The following UNC5D variants were observed in gnomAD, a reference collection of about 807,000 sequenced individuals.
UNC5D encodes the protein netrin receptor UNC5D.
UNC5D carries 39 observed loss-of-function variants against 105.4 expected under a neutral mutation model. The ratio of observed to expected loss-of-function variants is 0.37; its 90% CI spans 0.29 to 0.48. UNC5D has a LOEUF of 0.48. Among genes scored for constraint, UNC5D ranks in the 20% least tolerant of loss-of-function variants. UNC5D has a pLI of 0.98. For synonymous variants in UNC5D, 452 were observed against 450.4 expected (o/e 1.00, Z -0.04); for missense variants, 991 against 1,202.4 (o/e 0.82, Z 2.60).
Position 35,790,502 on chromosome 8 carries a change from A to G in UNC5D, c.2801A>G (p.Asn934Ser). 1.2e-6 allele frequency: 2 copies of G among 1,613,912 alleles called. No individual in the cohort carries two copies. The highest frequency in any genetic ancestry group is 1.7e-6 in the Non-Finnish European group (2 of 1,179,876). ...EIGRTHTKLS[N>S]ISESQLDEAD... ...GGGAGGACACACACGAAACTCTCAA[A>G]CATTTCAGAATCCCAGCTTGATGAA... is the stretch of plus-strand genomic sequence containing the variant. Residue 934 changes from asparagine to serine, a missense_variant, in exon 17 of 17, where the codon AAC (asparagine) becomes AGC (serine). Asn to Ser is a conservative substitution (Grantham distance 46). Around this residue, in one of 3 missense-constraint regions of UNC5D, gnomAD observed 45 missense variants for 54.5 expected, o/e 0.83. Transcript: ENST00000404895.
chr8:35,241,034 T>C (rs1478579679), intron 1 of UNC5D, among the ~76,000 whole-genome samples: 1 of 152,192 alleles, frequency 6.6e-6, no homozygotes, highest in East Asian at 1.9e-4. Flanking sequence ...ATTTGTTGCA[T>C]GTCTTGTATT....
intron 1 of UNC5D, among the ~76,000 whole-genome samples, chr8:35,315,230 T>A (rs1167154040): frequency 6.6e-6 from 1 of 152,196 alleles, no homozygotes; most frequent in Non-Finnish European, 1.5e-5. Context: ...TTAAAAAAAA[T>A]CCAACCCCAT....
chr8:35,575,576 C>G (rs551594162), intron 3 of UNC5D, among the ~76,000 whole-genome samples: 2 of 152,274 alleles, frequency 1.3e-5, no homozygotes, highest in African/African-American at 4.8e-5. Flanking sequence ...CTAAACTGCC[C>G]ATAATACCTC....
intron 7 of UNC5D, among the ~76,000 whole-genome samples, chr8:35,705,007 GGGCT>G (rs1474298084): frequency 1.5e-5 from 2 of 134,514 alleles, no homozygotes; most frequent in African/African-American, 2.8e-5. Context: ...GCTGTTGCCC[GGGCT>G]GGAGTGCAGT....
chr8:35,576,393 G>A (rs147401116), intron 3 of UNC5D, among the ~76,000 whole-genome samples: 10 of 152,256 alleles, frequency 6.6e-5, no homozygotes, highest in East Asian at 5.8e-4. Flanking sequence ...TTGATTGAAC[G>A]CCAGAGGCAG....
intron 1 of UNC5D, among the ~76,000 whole-genome samples, chr8:35,297,907 T>C (rs1370404761): frequency 2.0e-5 from 3 of 152,110 alleles, no homozygotes; most frequent in African/African-American, 4.8e-5. Context: ...GGGCCACAAA[T>C]TGGGAGGTTT....
At chr8:35,312,257 A>G (rs1271434386) in intron 1 of UNC5D, among the ~76,000 whole-genome samples, 1 of 152,220 alleles carries the variant, frequency 6.6e-6, no homozygotes, top group African/African-American at 2.4e-5. Context: ...AACCAGGATG[A>G]CATAATTGTC....
At chr8:35,623,186 G>A (rs1821464014) in intron 4 of UNC5D, among the ~76,000 whole-genome samples, 1 of 152,054 alleles carries the variant, frequency 6.6e-6, no homozygotes, top group African/African-American at 2.4e-5. Context: ...AGCCATCCTT[G>A]AGTTCTCTGC....
At chr8:35,618,725 A>C (rs1821175453) in intron 4 of UNC5D, among the ~76,000 whole-genome samples, 1 of 152,166 alleles carries the variant, frequency 6.6e-6, no homozygotes, top group South Asian at 2.1e-4. Flanking sequence ...GCTTAGGTTA[A>C]GTAACTTCCC....
intron 4 of UNC5D, among the ~76,000 whole-genome samples, chr8:35,641,366 C>CAAAAAAAAAAAAAAAAAAAAAAAAA (rs377021599): frequency 1.3e-3 from 59 of 44,252 alleles, no homozygotes; most frequent in East Asian, 2.6e-3. Flanking sequence ...AAAAATAAAG[C>CAAAAAAAAAAAAAAAAAAAAAAAAA]AAAAAAAAAA....
chr8:35,419,647 G>A (rs1047066576), intron 1 of UNC5D, among the ~76,000 whole-genome samples: 14 of 152,240 alleles, frequency 9.2e-5, no homozygotes, highest in East Asian at 7.8e-4. Flanking sequence ...GTTACAGCTC[G>A]TTCGTGTTAT....
intron 4 of UNC5D, among the ~76,000 whole-genome samples, chr8:35,608,271 G>A (rs1586239885): frequency 6.6e-6 from 1 of 152,148 alleles, no homozygotes; most frequent in African/African-American, 2.4e-5. Context: ...GAGCAGCTGG[G>A]GCTTTAGGGT....
At chr8:35,637,589 G>A (rs1172386390) in intron 4 of UNC5D, among the ~76,000 whole-genome samples, 1 of 152,146 alleles carries the variant, frequency 6.6e-6, no homozygotes, top group Non-Finnish European at 1.5e-5. Flanking sequence ...GAGTAGGAAA[G>A]TATCCATATA....
intron 13 of UNC5D, among the ~76,000 whole-genome samples, chr8:35,755,997 G>A (rs1191033037): frequency 6.6e-6 from 1 of 152,238 alleles, no homozygotes; most frequent in East Asian, 1.9e-4. Context: ...GCCCCCCAGA[G>A]TAATACAGTA....
At chr8:35,315,140 T>C (rs546048725) in intron 1 of UNC5D, among the ~76,000 whole-genome samples, 1 of 152,334 alleles carries the variant, frequency 6.6e-6, no homozygotes, top group South Asian at 2.1e-4. Context: ...CTTATATTCA[T>C]ATATATGCCT....
intron 2 of UNC5D, among the ~76,000 whole-genome samples, chr8:35,567,140 C>T (rs1312936118): frequency 6.6e-6 from 1 of 151,946 alleles, no homozygotes; most frequent in African/African-American, 2.4e-5. Context: ...ACTGCTGTGC[C>T]CTTAGCCACT....
intron 3 of UNC5D, among the ~76,000 whole-genome samples, chr8:35,594,308 T>C: frequency 6.6e-6 from 1 of 152,244 alleles, no homozygotes; most frequent in East Asian, 1.9e-4. Context: ...TGCTTGTTAT[T>C]CATTGAGTGT....
intron 1 of UNC5D, among the ~76,000 whole-genome samples, chr8:35,299,080 A>T (rs1446821981): frequency 3.3e-5 from 5 of 152,308 alleles, no homozygotes; most frequent in African/African-American, 1.2e-4. Flanking sequence ...GGTTCAGTGC[A>T]GTCAGGATGG....
chr8:35,291,006 A>C (rs2128861321), intron 1 of UNC5D, among the ~76,000 whole-genome samples: 1 of 151,928 alleles, frequency 6.6e-6, no homozygotes, highest in Middle Eastern at 3.4e-3. Context: ...TTGGAAGGGT[A>C]ACCAGAAATC....
Sources: allele counts gnomAD v4.1 joint callset (sites outside exome capture counted in the v4.1 genomes callset), GRCh38; gene constraint gnomAD v4.1.1; regional missense constraint gnomAD v4.1.1; transcripts MANE v1.5; gene names NCBI Gene and HGNC (gene_info 2026-07-23, HGNC 2026-07-21).